The following SLC35F1 variants were observed in gnomAD, a reference collection of about 807,000 sequenced individuals.
SLC35F1 encodes solute carrier family 35 member F1.
A neutral mutation model predicts 48.7 loss-of-function variants in SLC35F1; 14 were observed. That is an observed-to-expected ratio of 0.29 (90% CI 0.19 to 0.45). The LOEUF is 0.45. SLC35F1 is among the 20% of genes least tolerant of loss of function. SLC35F1 has a pLI of 1.00. For synonymous variants in SLC35F1, 190 were observed against 202.2 expected (o/e 0.94, Z 0.51); for missense variants, 404 against 500.0 (o/e 0.81, Z 1.83).
chr6:117,970,414 G>A (rs902267822), intron 1 of SLC35F1, among the ~76,000 whole-genome samples: 2 of 152,138 alleles, frequency 1.3e-5, no homozygotes, highest in African/African-American at 4.8e-5. Flanking sequence ...ATAATAGACA[G>A]GTATGACCTT....
At chr6:118,151,779 A>G (rs531818405) in intron 1 of SLC35F1, among the ~76,000 whole-genome samples, 1 of 152,198 alleles carries the variant, frequency 6.6e-6, no homozygotes, top group East Asian at 1.9e-4. Flanking sequence ...AGCCTCCCAG[A>G]GTGTTGGGAT....
At chr6:118,095,354 T>C (rs2114353145) in intron 1 of SLC35F1, among the ~76,000 whole-genome samples, 1 of 152,316 alleles carries the variant, frequency 6.6e-6, no homozygotes, top group African/African-American at 2.4e-5. Context: ...AGGAGGCGTG[T>C]AACCTCAGGC....
At chr6:118,285,149 G>A (rs374428018) in intron 6 of SLC35F1, 35 bp from the exon 7 acceptor site, 22 of 1,605,888 alleles carry the variant, frequency 1.4e-5, no homozygotes, top group Non-Finnish European at 1.8e-5. Flanking sequence ...CCTGGAGGAG[G>A]CCCTGACGCT....
At chr6:118,095,268 T>G (rs1773136156) in intron 1 of SLC35F1, among the ~76,000 whole-genome samples, 1 of 152,214 alleles carries the variant, frequency 6.6e-6, no homozygotes, top group African/African-American at 2.4e-5. Context: ...AGTCTTAGTT[T>G]GTGCTCTTTG....
chr6:117,965,259 G>A (rs1776546077), intron 1 of SLC35F1, among the ~76,000 whole-genome samples: 2 of 152,198 alleles, frequency 1.3e-5, no homozygotes, highest in African/African-American at 4.8e-5. Flanking sequence ...CAGCCTCTAT[G>A]GTGGTGCCAG....
At chr6:117,923,694 C>T (rs13201201) in intron 1 of SLC35F1, among the ~76,000 whole-genome samples, 11,659 of 13,456 alleles carry the variant, frequency 0.87, 5,331 homozygotes, top group South Asian at 0.93. Context: ...TACATATGTA[C>T]ATATACATAT....
chr6:118,027,564 T>G (rs1178702082), intron 1 of SLC35F1, among the ~76,000 whole-genome samples: 1 of 152,108 alleles, frequency 6.6e-6, no homozygotes, highest in Non-Finnish European at 1.5e-5. Flanking sequence ...TTTTTTCATG[T>G]CCTTATTGAC....
intron 3 of SLC35F1, among the ~76,000 whole-genome samples, chr6:118,255,504 G>A (rs1169202599): frequency 6.6e-6 from 1 of 152,168 alleles, no homozygotes. Context: ...CTGAGCTAGA[G>A]AGCTTGTGTC....
chr6:118,062,043 A>G (rs1157024366), intron 1 of SLC35F1, among the ~76,000 whole-genome samples: 2 of 149,440 alleles, frequency 1.3e-5, no homozygotes, highest in Non-Finnish European at 3.0e-5. Flanking sequence ...TCTAGTGGAT[A>G]CCTATTTTTT....
chr6:117,947,639 C>A (rs1047771565), intron 1 of SLC35F1, among the ~76,000 whole-genome samples: 5 of 152,080 alleles, frequency 3.3e-5, no homozygotes, highest in Non-Finnish European at 7.3e-5. Context: ...ATCAGGATTT[C>A]TGTACTGATT....
intron 2 of SLC35F1, among the ~76,000 whole-genome samples, chr6:118,223,966 A>G (rs367635897): frequency 5.9e-5 from 9 of 152,372 alleles, no homozygotes; most frequent in African/African-American, 2.2e-4. Context: ...CAAAATTCAC[A>G]AAACTGACAG....
intron 7 of SLC35F1, among the ~76,000 whole-genome samples, chr6:118,289,986 T>C (rs1444758750): frequency 6.6e-6 from 1 of 152,208 alleles, no homozygotes. Flanking sequence ...ATTGTTTGTT[T>C]TGGGGGCCTG....
chr6:118,119,494 G>GCCCCCCCCCCCCCC (rs369126799), intron 1 of SLC35F1, among the ~76,000 whole-genome samples: 2 of 52,192 alleles, frequency 3.8e-5, no homozygotes, highest in East Asian at 5.9e-4. Flanking sequence ...AATAACCGGC[G>GCCCCCCCCCCCCCC]CCCCCCCTCC....
intron 1 of SLC35F1, among the ~76,000 whole-genome samples, chr6:117,910,057 G>T (rs1224805229): frequency 6.6e-6 from 1 of 152,152 alleles, no homozygotes; most frequent in East Asian, 1.9e-4. Context: ...AGGATAAGAA[G>T]AAACTCTTTG....
intron 1 of SLC35F1, among the ~76,000 whole-genome samples, chr6:117,962,390 A>G (rs143642132): frequency 2.6e-5 from 4 of 152,292 alleles, no homozygotes; most frequent in Admixed American, 6.5e-5. Context: ...AAAACTTCCC[A>G]TTGTTTCAGT....
At chr6:118,118,168 C>T (rs182414391) in intron 1 of SLC35F1, among the ~76,000 whole-genome samples, 264 of 152,198 alleles carry the variant, frequency 1.7e-3, no homozygotes, top group Admixed American at 4.8e-3. Flanking sequence ...GTGTCAATAC[C>T]ATCTTGCATT....
intron 7 of SLC35F1, among the ~76,000 whole-genome samples, chr6:118,312,223 G>A (rs966982340): frequency 2.0e-5 from 3 of 152,132 alleles, no homozygotes; most frequent in Admixed American, 6.5e-5. Flanking sequence ...ACGTATGGGT[G>A]GAGTTTTGAA....
chr6:118,070,308 G>T (rs1361834771), intron 1 of SLC35F1, among the ~76,000 whole-genome samples: 1 of 152,154 alleles, frequency 6.6e-6, no homozygotes, highest in Non-Finnish European at 1.5e-5. Flanking sequence ...GCAGCAACCT[G>T]CAGTAAATCT....
chr6:117,999,783 C>A (rs1439345286), intron 1 of SLC35F1, among the ~76,000 whole-genome samples: 1 of 151,784 alleles, frequency 6.6e-6, no homozygotes, highest in Non-Finnish European at 1.5e-5. Context: ...ACCGATCCCA[C>A]AGAAATACAA....
Sources: gnomAD v4.1 joint callset for allele counts (sites outside exome capture counted in the v4.1 genomes callset) on GRCh38, gnomAD v4.1.1 for gene constraint, MANE v1.5 for transcripts, NCBI Gene and HGNC (gene_info 2026-07-23, HGNC 2026-07-21) for gene names.